Variants in NOL4 observed in about 807,000 individuals in gnomAD.
NOL4 encodes cancer/testis antigen 125.
NOL4 carries 17 observed loss-of-function variants against 75.9 expected under a neutral mutation model. The observed-to-expected ratio is 0.22, with a 90% CI of 0.15 to 0.34. The LOEUF (loss-of-function observed/expected upper bound fraction) is 0.34. Ranked by LOEUF, NOL4 falls within the 10% of genes least tolerant of loss-of-function variation. The pLI, the probability that NOL4 is intolerant of heterozygous loss-of-function variation, is 1.00. For missense variants in NOL4, 614 were observed against 793.5 expected, an observed-to-expected ratio of 0.77 and a Z score of 2.72; for synonymous variants, 292 against 289.9, an observed-to-expected ratio of 1.01 and a Z score of -0.07.
At chr18:34,150,732 G>T (rs1399296694) in intron 1 of NOL4, among the ~76,000 whole-genome samples, 1 of 151,602 alleles carries the variant, frequency 6.6e-6, no homozygotes, top group Middle Eastern at 3.2e-3. Context: ...ATGAATGAAA[G>T]AATTGATAAG....
intron 2 of NOL4, among the ~76,000 whole-genome samples, chr18:34,120,083 C>G (rs1413642051): frequency 6.6e-6 from 1 of 152,002 alleles, no homozygotes. Context: ...AATCTAGCAG[C>G]CTTAAAGACT....
At chr18:34,209,509 G>C (rs1423182351) in intron 1 of NOL4, among the ~76,000 whole-genome samples, 1 of 152,090 alleles carries the variant, frequency 6.6e-6, no homozygotes, top group Non-Finnish European at 1.5e-5. Context: ...TTATAGAAAA[G>C]GGAAAATTCT....
At chr18:33,909,400 C>T (rs1215982498) in intron 9 of NOL4, among the ~76,000 whole-genome samples, 1 of 152,086 alleles carries the variant, frequency 6.6e-6, no homozygotes, top group Admixed American at 6.6e-5. Context: ...TTCCTAAGTC[C>T]ACATTTCCAA....
rs2062643589 is a variant in NOL4 at position 33,851,852 on chromosome 18, A to G, written c.*990T>C. 6.6e-6 allele frequency: 1 copy of G among 152,536 alleles called. No homozygotes were observed. The highest frequency in any genetic ancestry group is 6.6e-5 in the Admixed American group (1 of 15,250). 9.4% of individuals were successfully genotyped at this position (152,536 alleles called of 1,614,324 possible). On this transcript the variant is annotated 3_prime_UTR_variant, in exon 11 of 11. Coordinates refer to ENST00000261592, the MANE Select transcript of NOL4 (RefSeq NM_003787.5). ...TTTTTGGAAACTATTTCTGAAAGAA[A>G]TGAAAAGAAAACTACACACAAGAGT...
chr18:34,036,307 G>T (rs2075893949), intron 5 of NOL4, among the ~76,000 whole-genome samples: 2 of 152,032 alleles, frequency 1.3e-5, no homozygotes, highest in Admixed American at 6.6e-5. Context: ...GGGATGCAAG[G>T]GTGGTTTCAT....
At chr18:33,983,762 C>CTTTAAAAAGAA (rs1359795363) in intron 6 of NOL4, among the ~76,000 whole-genome samples, 2 of 151,904 alleles carry the variant, frequency 1.3e-5, no homozygotes, top group Non-Finnish European at 2.9e-5. Flanking sequence ...TCTTCCCTCA[C>CTTTAAAAAGAA]TTTTTAAAAA....
At chr18:34,024,082 T>C (rs765288302) in intron 5 of NOL4, among the ~76,000 whole-genome samples, 38 of 150,950 alleles carry the variant, frequency 2.5e-4, no homozygotes, top group Non-Finnish European at 1.0e-4. Context: ...TGTGTGTATA[T>C]GTAATCTCCC....
chr18:34,223,145 C>T lies in NOL4; in HGVS notation c.109G>A (p.Val37Ile). The T allele has an allele frequency of 4.3e-6, 7 of 1,614,180 alleles. No individual in the cohort carries two copies. Among genetic ancestry groups the T allele is most frequent in the South Asian group, 1.1e-5 (1 of 91,088 alleles). Residue 37 changes from valine (V) to isoleucine (I), a missense_variant, in exon 1 of 11, where the codon GTC becomes ATC. This residue lies in a region of NOL4 where 35 missense variants were observed against 29.2 expected (regional missense o/e 1.20). Transcript: ENST00000261592. ...TVTRKKYERI[V>I]QLLNGSESSS... ...GACTCGGAGCCATTGAGGAGCTGGA[C>T]GATCCGTTCGTATTTTTTACGGGTC...
At chr18:34,182,368 G>A (rs1217387738) in intron 1 of NOL4, among the ~76,000 whole-genome samples, 1 of 151,608 alleles carries the variant, frequency 6.6e-6, no homozygotes, top group African/African-American at 2.4e-5. Context: ...CATTAAGATA[G>A]AAAGTTGAAT....
At chr18:34,049,067 GGCGC>G (rs536359117) in intron 5 of NOL4, among the ~76,000 whole-genome samples, 30 of 127,764 alleles carry the variant, frequency 2.3e-4, no homozygotes, top group Admixed American at 1.3e-3. Flanking sequence ...GTTAGATACA[GGCGC>G]GCGCACACAC....
intron 5 of NOL4, among the ~76,000 whole-genome samples, chr18:34,037,996 A>C (rs72957381): frequency 0.027 from 4,115 of 152,240 alleles, 84 homozygotes; most frequent in Non-Finnish European, 0.046. Flanking sequence ...CTGTTCATCC[A>C]GTGGGGACTA....
At chr18:34,071,821 C>T (rs1171803058) in intron 5 of NOL4, among the ~76,000 whole-genome samples, 9 of 152,088 alleles carry the variant, frequency 5.9e-5, no homozygotes, top group Non-Finnish European at 1.3e-4. Context: ...AGATGTAACA[C>T]ATCGTAAGAC....
intron 1 of NOL4, among the ~76,000 whole-genome samples, chr18:34,205,407 T>C (rs1386609850): frequency 1.3e-5 from 2 of 152,136 alleles, no homozygotes; most frequent in Non-Finnish European, 2.9e-5. Flanking sequence ...CAAATAGTTT[T>C]GGAAAATTAT....
intron 9 of NOL4, among the ~76,000 whole-genome samples, chr18:33,938,322 T>C (rs369465316): frequency 6.6e-6 from 1 of 152,000 alleles, no homozygotes; most frequent in Non-Finnish European, 1.5e-5. Flanking sequence ...TTTAAAAAAA[T>C]TATTTCTTCA....
rs186380290 is a variant in NOL4 at position 34,147,838 on chromosome 18, T to C, written c.265-17818A>G. 8.5e-5 allele frequency among the ~76,000 whole-genome samples: 13 copies of C among 152,252 alleles called. No homozygotes were observed. In the East Asian group the frequency reaches 2.5e-3, roughly 29 times the overall value. On this transcript the variant is annotated intron_variant, in intron 1 of 10. Coordinates refer to ENST00000261592, the MANE Select transcript of NOL4 (RefSeq NM_003787.5). ...CTGGAAGAATTTGGCTGTGAATCCATCTGATCCTGGGTCTTTTTGGTTGGT... is the reference window on the plus strand; with the variant it reads ...CTGGAAGAATTTGGCTGTGAATCCACCTGATCCTGGGTCTTTTTGGTTGGT...
intron 9 of NOL4, among the ~76,000 whole-genome samples, chr18:33,938,466 T>A (rs1304216493): frequency 1.3e-5 from 2 of 152,178 alleles, no homozygotes; most frequent in Admixed American, 6.6e-5. Context: ...TTTTTAATGA[T>A]CGCCATTCTA....
intron 6 of NOL4, among the ~76,000 whole-genome samples, chr18:33,996,687 G>T (rs1333414503): frequency 1.3e-5 from 2 of 151,736 alleles, no homozygotes; most frequent in Non-Finnish European, 2.9e-5. Context: ...GTATTAATTT[G>T]CTTAGAATAA....
At chr18:34,187,377 T>C (rs1181229201) in intron 1 of NOL4, among the ~76,000 whole-genome samples, 1 of 140,438 alleles carries the variant, frequency 7.1e-6, no homozygotes, top group Non-Finnish European at 1.5e-5. Flanking sequence ...CTTCTTTTTT[T>C]TTTTTTTTTT....
chr18:34,172,353 G>A (rs755321842), intron 1 of NOL4, among the ~76,000 whole-genome samples: 3 of 151,826 alleles, frequency 2.0e-5, no homozygotes, highest in Non-Finnish European at 4.4e-5. Context: ...AATTAAAATT[G>A]TATTATTTTT....
Sources: allele counts gnomAD v4.1 joint callset (sites outside exome capture counted in the v4.1 genomes callset), GRCh38; gene constraint gnomAD v4.1.1; regional missense constraint gnomAD v4.1.1; transcripts MANE v1.5; gene names NCBI Gene and HGNC (gene_info 2026-07-23, HGNC 2026-07-21).